Variants in METAP1D observed in about 807,000 individuals in gnomAD.
The protein encoded by METAP1D is methionyl aminopeptidase type 1D, mitochondrial.
METAP1D carries 31 observed loss-of-function variants against 40.5 expected under a neutral mutation model. The observed-to-expected ratio is 0.77, with a 90% confidence interval of 0.58 to 1.03. The LOEUF (loss-of-function observed/expected upper bound fraction) is 1.03. Among genes scored for constraint, METAP1D ranks in the 50% least tolerant of loss-of-function variants. The pLI, the probability that METAP1D is intolerant of heterozygous loss-of-function variation, is 0.00. For synonymous variants in METAP1D, 151 were observed against 146.4 expected, an observed-to-expected ratio of 1.03 and a Z score of -0.22; for missense variants, 411 against 420.7, an observed-to-expected ratio of 0.98 and a Z score of 0.20.
At chr2:172,068,259 G>A (rs1177465884) in intron 5 of METAP1D, among the ~76,000 whole-genome samples, 1 of 151,948 alleles carries the variant, frequency 6.6e-6, no homozygotes, top group Non-Finnish European at 1.5e-5. Flanking sequence ...CCTGTGTGGG[G>A]GCAGGAGCCT....
intron 6 of METAP1D, among the ~76,000 whole-genome samples, chr2:172,077,186 G>T (rs1559022988): frequency 6.6e-6 from 1 of 152,196 alleles, no homozygotes; most frequent in African/African-American, 2.4e-5. Flanking sequence ...AATGGTGCAG[G>T]TCTTGAATGG....
intron 5 of METAP1D, among the ~76,000 whole-genome samples, chr2:172,067,961 A>G (rs1379464324): frequency 6.6e-6 from 1 of 152,222 alleles, no homozygotes; most frequent in East Asian, 1.9e-4. Context: ...TACTCATTGC[A>G]TCTTAGAATT....
chr2:172,002,142 T>C (rs1286122772), intron 1 of METAP1D, among the ~76,000 whole-genome samples: 1 of 152,006 alleles, frequency 6.6e-6, no homozygotes, highest in Non-Finnish European at 1.5e-5. Context: ...GCTTTTAGAC[T>C]TCATTTTTGT....
chr2:172,075,999 C>T (rs528919806), intron 6 of METAP1D, among the ~76,000 whole-genome samples: 1 of 152,258 alleles, frequency 6.6e-6, no homozygotes, highest in Admixed American at 6.5e-5. Context: ...CTTTAGCCAC[C>T]TAGTAATTGC....
rs1285685936 is a variant in METAP1D at position 172,005,990 on chromosome 2, T to A, written c.40+5981T>A. On this transcript the variant is annotated intron_variant, in intron 1 of 9. Transcript: ENST00000315796. ...TTTGCAGTCATTAAAAAAAAATATATTGACCTGCATTTGTTGGTATGGAAT... is the reference window on the plus strand; with the variant it reads ...TTTGCAGTCATTAAAAAAAAATATAATGACCTGCATTTGTTGGTATGGAAT... Among the ~76,000 whole-genome samples the A allele has an allele frequency of 8.5e-5, 13 of 152,142 alleles. 1 individual carries two copies. The East Asian group carries it at 2.5e-3, about 29-fold the overall frequency.
intron 2 of METAP1D, 113 bp downstream of exon 2, chr2:172,061,768 C>A: frequency 1.1e-6 from 1 of 933,050 alleles, no homozygotes; most frequent in Non-Finnish European, 1.5e-6. Flanking sequence ...TTTTAATTTT[C>A]AAACTAGGTT....
intron 1 of METAP1D, among the ~76,000 whole-genome samples, chr2:172,037,711 G>A (rs768925330): frequency 1.3e-5 from 2 of 152,168 alleles, no homozygotes; most frequent in Non-Finnish European, 2.9e-5. Context: ...TTCCATCTGG[G>A]TTCTGAACAC....
chr2:172,000,433 A>G (rs1159438771), intron 1 of METAP1D, among the ~76,000 whole-genome samples: 1 of 151,062 alleles, frequency 6.6e-6, no homozygotes, highest in African/African-American at 2.4e-5. Context: ...GGGGACTTGC[A>G]AAATGTGATG....
chr2:172,055,032 T>C (rs987247895), intron 1 of METAP1D, among the ~76,000 whole-genome samples: 1 of 152,196 alleles, frequency 6.6e-6, no homozygotes, highest in Admixed American at 6.5e-5. Flanking sequence ...ATAAAGCAAC[T>C]CCTCACTGTT....
intron 1 of METAP1D, among the ~76,000 whole-genome samples, chr2:172,036,879 A>G (rs1689404808): frequency 6.6e-6 from 1 of 152,248 alleles, no homozygotes; most frequent in Admixed American, 6.5e-5. Context: ...TCAGACTTTT[A>G]AATGCTTTAT....
chr2:172,042,679 A>ATGTGTATATGTGTACACATATACGTGTG (rs1689607542), intron 1 of METAP1D, among the ~76,000 whole-genome samples: 1 of 19,884 alleles, frequency 5.0e-5, no homozygotes, highest in African/African-American at 1.5e-4. Flanking sequence ...ATACGTGTGT[A>ATGTGTATATGTGTACACATATACGTGTG]TGTGTATATG....
At chr2:172,059,119 T>C (rs1176686201) in intron 1 of METAP1D, among the ~76,000 whole-genome samples, 1 of 151,610 alleles carries the variant, frequency 6.6e-6, no homozygotes, top group Admixed American at 6.6e-5. Context: ...TTCTTTTTTT[T>C]TTTTTCTGAG....
intron 1 of METAP1D, among the ~76,000 whole-genome samples, chr2:172,053,273 G>A (rs1274706631): frequency 6.6e-6 from 1 of 152,236 alleles, no homozygotes; most frequent in African/African-American, 2.4e-5. Context: ...AGTTCATGAA[G>A]TGTGATCTTT....
At chr2:172,058,215 G>A (rs532318535) in intron 1 of METAP1D, among the ~76,000 whole-genome samples, 9 of 151,962 alleles carry the variant, frequency 5.9e-5, no homozygotes, top group Non-Finnish European at 8.8e-5. Context: ...CTCCCACCTC[G>A]ACCTCCCAAA....
intron 1 of METAP1D, among the ~76,000 whole-genome samples, chr2:172,029,194 C>T (rs942722581): frequency 7.9e-5 from 12 of 152,154 alleles, no homozygotes; most frequent in African/African-American, 2.4e-4. Flanking sequence ...GATTGCTTAT[C>T]TCTGGAGTTT....
At chr2:172,079,320 T>G in intron 8 of METAP1D, 58 bp downstream of exon 8, 1 of 1,556,136 alleles carries the variant, frequency 6.4e-7, no homozygotes, top group Non-Finnish European at 8.9e-7. Flanking sequence ...CTTTTGCCAC[T>G]GGCCTAGGCC....
intron 6 of METAP1D, among the ~76,000 whole-genome samples, chr2:172,073,349 C>A (rs527474045): frequency 6.1e-4 from 93 of 151,866 alleles, no homozygotes; most frequent in Admixed American, 1.1e-3. Context: ...TAATGCATTT[C>A]ATTACATATT....
Position 172,063,712 on chromosome 2 carries a change from A to T in METAP1D, c.200A>T (p.His67Leu). Reference protein sequence around the residue: ...AVSSAHPVPKHIKKPDYVTTG... With the variant: ...AVSSAHPVPKLIKKPDYVTTG... ...CGTTTTCAATCCTTTTTCCTCAAGC[A>T]CATAAAGAAGCCAGACTATGTGACG... Residue 67 changes from histidine (H) to leucine (L), a missense_variant and splice_region_variant, in exon 3 of 10, where the codon CAC becomes CTC. His to Leu is a moderately conservative substitution (Grantham distance 99, BLOSUM62 -3). Transcript: ENST00000315796. The T allele has an allele frequency of 6.2e-7, 1 of 1,611,952 alleles. No individual in the cohort carries two copies. The highest frequency in any genetic ancestry group is 8.5e-7 in the Non-Finnish European group (1 of 1,178,344).
chr2:172,045,385 G>A (rs1412568782), intron 1 of METAP1D, among the ~76,000 whole-genome samples: 1 of 132,928 alleles, frequency 7.5e-6, no homozygotes, highest in Admixed American at 7.5e-5. Flanking sequence ...TATAAGCCGG[G>A]CGCGGTGGCT....
Sources: gnomAD v4.1 joint callset for allele counts (sites outside exome capture counted in the v4.1 genomes callset) on GRCh38, gnomAD v4.1.1 for gene constraint, MANE v1.5 for transcripts, NCBI Gene and HGNC (gene_info 2026-07-23, HGNC 2026-07-21) for gene names.